RIF1: variants seen among roughly 807,000 people sequenced by gnomAD.
RIF1 encodes telomere-associated protein RIF1.
In RIF1, 45 loss-of-function variants were observed where a neutral mutation model predicts 247.1. The observed-to-expected ratio is 0.18, with a 90% CI of 0.14 to 0.23. The LOEUF (loss-of-function observed/expected upper bound fraction) is 0.23, where lower values mean the gene tolerates loss of function less well. RIF1 is among the 10% of genes least tolerant of loss of function. RIF1 has a pLI of 1.00. For missense variants in RIF1, 2,967 were observed against 2,862.5 expected (o/e 1.04, Z -0.83); for synonymous variants, 1,087 against 978.8 (o/e 1.11, Z -2.06).
chr2:151,526,086 G>T, the RIF1 span: 1 of 1,612,810 alleles, frequency 6.2e-7, no homozygotes, highest in Non-Finnish European at 8.5e-7. Context: ...AATCCATAGA[G>T]AGCTCATTAA....
intron 8 of RIF1, among the ~76,000 whole-genome samples, chr2:151,425,070 T>C (rs1473067278): frequency 6.6e-6 from 1 of 151,998 alleles, no homozygotes; most frequent in East Asian, 1.9e-4. Flanking sequence ...ACCAACACTT[T>C]TTATTTTCCT....
intron 16 of RIF1, 106 bp from the exon 17 acceptor site, chr2:151,443,153 T>G (rs1692661754): frequency 2.7e-6 from 2 of 734,488 alleles, no homozygotes; most frequent in Non-Finnish European, 2.2e-6. Context: ...ATGCCAAAAG[T>G]TAAATTTGTC....
At position 151,466,115 on chromosome 2, in the gene RIF1, A is replaced by G; in HGVS notation, c.6595A>G (p.Asn2199Asp). ...AGAAGATGAAATCTCATCACCTGTT[A>G]ATAAGGTAAGGGGAATGAGGCTAAA... is the stretch of plus-strand genomic sequence containing the variant. ...SQEDEISSPV[N>D]KVRRVSFADP... Residue 2199 changes from asparagine to aspartate, a missense_variant, in exon 30 of 36, where the codon AAT becomes GAT. This residue lies in a region of RIF1 where 2,028 missense variants were observed against 1,825.6 expected (regional missense o/e 1.11). Coordinates refer to ENST00000444746, the MANE Select transcript of RIF1 (RefSeq NM_018151.5). The G allele has an allele frequency of 6.4e-7, 1 of 1,567,894 alleles. No individual in the cohort carries two copies. The highest frequency in any genetic ancestry group is 8.7e-7 in the Non-Finnish European group (1 of 1,149,308).
chr2:151,508,208 AG>A, downstream of RIF1: 2 of 707,134 alleles, frequency 2.8e-6, no homozygotes, highest in African/African-American at 1.8e-5. Context: ...GGCTCAGCAG[AG>A]GGAAAGTCCT....
chr2:151,487,775 A>G (rs1210957921), intron 9 of RIF1, among the ~76,000 whole-genome samples: 1 of 152,138 alleles, frequency 6.6e-6, no homozygotes, highest in Non-Finnish European at 1.5e-5. Context: ...ACATATATAT[A>G]TATGTATAAA....
chr2:151,410,950 T>G (rs1445681400), intron 2 of RIF1, among the ~76,000 whole-genome samples: 1 of 152,174 alleles, frequency 6.6e-6, no homozygotes, highest in Non-Finnish European at 1.5e-5. Context: ...TAAAGTTTTG[T>G]AAAACCCTTT....
At chr2:151,506,126 G>A in intron 12 of RIF1, 1 of 1,498,918 alleles carries the variant, frequency 6.7e-7, no homozygotes, top group Non-Finnish European at 9.3e-7. Context: ...TTATCAAAGG[G>A]AGGCAGAAAA....
At chr2:151,533,797 T>C in the RIF1 span, among the ~76,000 whole-genome samples, 1 of 152,240 alleles carries the variant, frequency 6.6e-6, no homozygotes, top group East Asian at 1.9e-4. Flanking sequence ...ACCACCAAAA[T>C]AGCTTTATAG....
the RIF1 span, chr2:151,519,036 T>C: frequency 1.2e-6 from 2 of 1,613,700 alleles, no homozygotes; most frequent in African/African-American, 1.3e-5. Flanking sequence ...GTCACGGGTT[T>C]GTGAAGTTTC....
At chr2:151,485,722 CTGT>C (rs1400802826), downstream of RIF1, 1 of 1,559,362 alleles carries the variant, frequency 6.4e-7, no homozygotes, top group Admixed American at 1.8e-5. Context: ...ACTGCAGGAT[CTGT>C]AAGTCCTGCA....
At chr2:151,484,282 A>T (rs1050628309), downstream of RIF1, among the ~76,000 whole-genome samples, 26 of 145,000 alleles carry the variant, frequency 1.8e-4, no homozygotes, top group African/African-American at 6.3e-4. Context: ...AAACCGATAA[A>T]GTAAATAGGA....
intron 10 of RIF1, among the ~76,000 whole-genome samples, chr2:151,433,565 CT>C (rs1163203680): frequency 2.0e-5 from 3 of 152,104 alleles, no homozygotes; most frequent in African/African-American, 7.2e-5. Context: ...AGTGATTCTC[CT>C]GTGTCAGTCT....
chr2:151,410,371 C>T (rs1685927540), intron 1 of RIF1, 43 bp from the exon 2 acceptor site: 1 of 1,524,178 alleles, frequency 6.6e-7, no homozygotes, highest in Non-Finnish European at 9.0e-7. Context: ...GGGGCTGTTT[C>T]CATCGGTCAC....
rs1395006146 is a variant in RIF1 at position 151,410,400 on chromosome 2, G to A, written c.-10-14G>A. On this transcript the variant is annotated splice_polypyrimidine_tract_variant and intron_variant, in intron 1 of 35. Transcript: ENST00000444746. ...CGGTCACTGGATTTTCTCCTCTTCCGGTTCGGGCCTCAGGGTGGCCGACAT... is the reference window on the plus strand; with the variant it reads ...CGGTCACTGGATTTTCTCCTCTTCCAGTTCGGGCCTCAGGGTGGCCGACAT... 8 of 1,606,904 alleles carry A rather than the reference G, an allele frequency of 5.0e-6. 1 individual carries two copies. The highest frequency in any genetic ancestry group is 2.2e-5 in the East Asian group (1 of 44,752).
Position 151,504,257 on chromosome 2 carries a change from G to A in RIF1, c.*861+1072G>A, listed in dbSNP as rs1384537001. ...TCTTAAAATCAGTGACAAGCTAGGC[G>A]TGATAGCTTTGTTTTGCAAGGAAGC... On this transcript the variant is annotated intron_variant and NMD_transcript_variant, in intron 12 of 13. Coordinates refer to the RIF1 transcript ENST00000454583. Among the ~76,000 whole-genome samples the A allele has an allele frequency of 4.6e-5, 7 of 152,248 alleles. No homozygotes were observed. In the East Asian group the frequency reaches 7.7e-4, roughly 17 times the overall value.
intron 9 of RIF1, among the ~76,000 whole-genome samples, chr2:151,431,635 A>G (rs1690140788): frequency 6.6e-6 from 1 of 152,168 alleles, no homozygotes; most frequent in African/African-American, 2.4e-5. Flanking sequence ...TAAAAATACA[A>G]AGTTGGACGG....
At chr2:151,531,668 C>A in the RIF1 span, 1 of 745,140 alleles carries the variant, frequency 1.3e-6, no homozygotes. Flanking sequence ...GGACATCTCG[C>A]ACCCCTGCCT....
downstream of RIF1, among the ~76,000 whole-genome samples, chr2:151,512,237 T>G (rs1427969894): frequency 6.6e-6 from 1 of 152,056 alleles, no homozygotes; most frequent in East Asian, 1.9e-4. Context: ...AGTTTCACCG[T>G]GTTAGCCAGG....
chr2:151,416,766 T>C, intron 5 of RIF1, 41 bp from the exon 6 acceptor site: 3 of 1,602,716 alleles, frequency 1.9e-6, no homozygotes, highest in Non-Finnish European at 2.6e-6. Context: ...TAAAAACAGT[T>C]CAGGCTTATT....
Sources: gnomAD v4.1 joint callset for allele counts (sites outside exome capture counted in the v4.1 genomes callset) on GRCh38, gnomAD v4.1.1 for gene constraint, gnomAD v4.1.1 regional missense constraint, MANE v1.5 for transcripts, NCBI Gene and HGNC (gene_info 2026-07-23, HGNC 2026-07-21) for gene names.